Variants in C7 observed in about 807,000 individuals in gnomAD.
The protein encoded by C7 is complement component C7.
C7 carries 83 observed loss-of-function variants against 104.8 expected under a neutral mutation model. The observed-to-expected ratio is 0.79, with a 90% CI of 0.66 to 0.95. C7 has a LOEUF of 0.95. Ranked by LOEUF, C7 falls within the 40% of genes least tolerant of loss-of-function variation. The probability of loss-of-function intolerance (pLI) is 0.00; values close to 1 mark genes in which losing one functional copy is unlikely to be tolerated. For missense variants in C7, 1,070 were observed against 1,011.2 expected (o/e 1.06, Z -0.79); for synonymous variants, 415 against 360.6 (o/e 1.15, Z -1.71).
In C7 at chr5:40,981,661, C is replaced by T. The variant is rs1173753558; in HGVS notation, c.*88C>T. Reference sequence around the variant, plus strand: ...ATCTGCACAACTGGGCACTGGACAGCTTTTCCTTCTTCTCCAGTGTCTACC... The same window carrying T: ...ATCTGCACAACTGGGCACTGGACAGTTTTTCCTTCTTCTCCAGTGTCTACC... On this transcript the variant is annotated 3_prime_UTR_variant, in exon 18 of 18. Transcript: ENST00000313164. 1 of 1,092,506 alleles carries T rather than the reference C, an allele frequency of 9.2e-7. No homozygotes were observed. The highest frequency in any genetic ancestry group is 1.3e-6 in the Non-Finnish European group (1 of 777,548). The allele number at this position is 1,092,506 out of a possible 1,614,324, so 67.7% of individuals were successfully genotyped here. A position where few individuals can be genotyped will look rare whatever the true frequency, so the allele number is the denominator to read the frequency against.
rs1219397280 is a variant in C7, at chr5:40,962,118, G to T, written c.1695G>T (p.Leu565Phe). Residue 565 changes from leucine (L) to phenylalanine (F), a missense_variant, in exon 13 of 18, where the codon TTG becomes TTT. Coordinates refer to ENST00000313164, the MANE Select transcript of C7 (RefSeq NM_000587.4). ...LLEPHCFPLSLVPTEFCPSPP... is the reference protein window; with the variant it reads ...LLEPHCFPLSFVPTEFCPSPP... Reference sequence around the variant, plus strand: ...AACCACATTGCTTTCCTTTGTCTTTGGTTCCAACAGAATTCTGTCCATCAC... The same window carrying T: ...AACCACATTGCTTTCCTTTGTCTTTTGTTCCAACAGAATTCTGTCCATCAC... 6.4e-7 allele frequency: 1 copy of T among 1,563,164 alleles called. No homozygotes were observed.
In C7 at chr5:40,976,773, C is replaced by T. The variant is rs1289284987; in HGVS notation, c.2098C>T (p.Pro700Ser). The T allele has an allele frequency of 5.0e-6, 8 of 1,603,068 alleles. No individual in the cohort carries two copies. The highest frequency in any genetic ancestry group is 6.0e-6 in the Non-Finnish European group (7 of 1,174,452). Residue 700 changes from proline (P) to serine (S), a missense_variant, in exon 16 of 18, where the codon CCT becomes TCT. By Grantham distance (74) the Pro-to-Ser change is moderately conservative. Transcript: ENST00000313164. ...QKENPLTQAV[P>S]KCQRWEKLQN... ...AGAAAATCCGTTAACACAGGCAGTG[C>T]CTAAATGTCAGCGCTGGGAGAAACT...
chr5:40,965,630 A>C (rs1740527818), intron 14 of C7, among the ~76,000 whole-genome samples: 1 of 63,894 alleles, frequency 1.6e-5, no homozygotes, highest in Non-Finnish European at 2.9e-5. Flanking sequence ...GTATAGTGAT[A>C]TATATATATA....
At chr5:40,914,859 C>G (rs761848936) in intron 1 of C7, among the ~76,000 whole-genome samples, 1 of 152,110 alleles carries the variant, frequency 6.6e-6, no homozygotes, top group Non-Finnish European at 1.5e-5. Flanking sequence ...AGTAAATAAA[C>G]CCAGCAGTAT....
chr5:40,932,208 C>T (rs541518877), intron 3 of C7, among the ~76,000 whole-genome samples: 16 of 152,208 alleles, frequency 1.1e-4, no homozygotes, highest in African/African-American at 3.6e-4. Context: ...TAACATTATA[C>T]TATCAGCAAA....
intron 3 of C7, among the ~76,000 whole-genome samples, chr5:40,933,171 C>T (rs906833995): frequency 6.6e-6 from 1 of 152,160 alleles, no homozygotes; most frequent in Admixed American, 6.5e-5. Flanking sequence ...ACACCAGAGC[C>T]ATGCTCAGGC....
At chr5:40,943,289 A>G (rs1009280153) in intron 6 of C7, among the ~76,000 whole-genome samples, 1 of 152,228 alleles carries the variant, frequency 6.6e-6, no homozygotes, top group African/African-American at 2.4e-5. Context: ...TGGCAATAAT[A>G]AAAATGAGAG....
At chr5:40,916,951 A>C (rs1739332047) in intron 1 of C7, among the ~76,000 whole-genome samples, 1 of 152,078 alleles carries the variant, frequency 6.6e-6, no homozygotes, top group South Asian at 2.1e-4. Context: ...CCTGGCCAAC[A>C]TAGTGAAACC....
At chr5:40,963,721 T>C (rs553916648) in intron 13 of C7, among the ~76,000 whole-genome samples, 2 of 152,200 alleles carry the variant, frequency 1.3e-5, no homozygotes, top group South Asian at 4.2e-4. Context: ...TGATTACCCT[T>C]CATCCATCCC....
intron 16 of C7, among the ~76,000 whole-genome samples, chr5:40,977,207 G>A (rs1041399434): frequency 8.5e-5 from 13 of 152,196 alleles, no homozygotes; most frequent in Non-Finnish European, 1.5e-4. Context: ...AATACTGATA[G>A]GGAAACAGCA....
At chr5:40,946,780 A>T (rs576154708) in intron 7 of C7, among the ~76,000 whole-genome samples, 1 of 152,168 alleles carries the variant, frequency 6.6e-6, no homozygotes, top group Admixed American at 6.5e-5. Flanking sequence ...ATAAGAAATT[A>T]TCATATAATT....
rs34119061 is a variant in C7 at position 40,934,447 on chromosome 5, G to A, written c.261G>A (p.Glu87=). ...GTCCAACAGAGGAGGGATGTGGAGA[G>A]CGTTTCAGGTGCTTTTCAGGTAACT... ...RGCPTEEGCG[E]RFRCFSGQCI... Residue 87 remains glutamate (E), a synonymous_variant, in exon 4 of 18, where the codon GAG becomes GAA. Coordinates refer to ENST00000313164, the MANE Select transcript of C7 (RefSeq NM_000587.4). 8.2e-4 allele frequency: 1,318 copies of A among 1,613,624 alleles called. 1 individual carries two copies. The highest frequency in any genetic ancestry group is 1.0e-3 in the Non-Finnish European group (1,188 of 1,179,700).
chr5:40,931,492 T>A (rs1421178755), intron 3 of C7, among the ~76,000 whole-genome samples: 1 of 152,204 alleles, frequency 6.6e-6, no homozygotes, highest in Admixed American at 6.5e-5. Flanking sequence ...TTATGTTCAC[T>A]GAGTTCAACT....
At chr5:40,925,497 G>A (rs1451919249) in intron 1 of C7, among the ~76,000 whole-genome samples, 2 of 151,958 alleles carry the variant, frequency 1.3e-5, no homozygotes, top group African/African-American at 2.4e-5. Context: ...TATCTTCTTT[G>A]GAGCCCTCCA....
At chr5:40,912,765 A>G (rs1449132087) in intron 1 of C7, among the ~76,000 whole-genome samples, 2 of 152,152 alleles carry the variant, frequency 1.3e-5, no homozygotes, top group Non-Finnish European at 2.9e-5. Context: ...AGATTTTTTG[A>G]AATTTTATGG....
intron 5 of C7, among the ~76,000 whole-genome samples, 196 bp downstream of exon 5, chr5:40,936,681 A>C (rs1166146703): frequency 6.6e-6 from 1 of 152,144 alleles, no homozygotes; most frequent in African/African-American, 2.4e-5. Context: ...GTAGATGCAG[A>C]GTGACCCCTT....
intron 14 of C7, among the ~76,000 whole-genome samples, chr5:40,967,301 T>G (rs1377740041): frequency 2.0e-5 from 3 of 152,166 alleles, no homozygotes; most frequent in African/African-American, 7.2e-5. Context: ...CTTGACCTCA[T>G]GATTTGTCCG....
intron 6 of C7, among the ~76,000 whole-genome samples, chr5:40,942,887 C>A (rs780910544): frequency 6.6e-6 from 1 of 151,928 alleles, no homozygotes; most frequent in South Asian, 2.1e-4. Flanking sequence ...GGTTCAGCCT[C>A]CCGAGTAGCT....
intron 15 of C7, among the ~76,000 whole-genome samples, chr5:40,975,989 C>A (rs1286572042): frequency 6.6e-6 from 1 of 152,138 alleles, no homozygotes; most frequent in Non-Finnish European, 1.5e-5. Flanking sequence ...CCATTGCAAT[C>A]AGGGATAGCT....
Sources: allele counts gnomAD v4.1 joint callset (sites outside exome capture counted in the v4.1 genomes callset), GRCh38; gene constraint gnomAD v4.1.1; transcripts MANE v1.5; gene names NCBI Gene and HGNC (gene_info 2026-07-23, HGNC 2026-07-21).